Variants in RIDA observed in about 807,000 individuals in gnomAD.
The protein encoded by RIDA is 2-iminobutanoate/2-iminopropanoate deaminase.
RIDA carries 17 observed loss-of-function variants against 17.8 expected under a neutral mutation model. The observed-to-expected ratio is 0.96, with a 90% CI of 0.65 to 1.43. The LOEUF is 1.43. RIDA is among the 40% of genes most tolerant of loss of function. The pLI is 0.00. For missense variants in RIDA, 158 were observed against 161.7 expected, an observed-to-expected ratio of 0.98 and a Z score of 0.12; for synonymous variants, 48 against 55.7, an observed-to-expected ratio of 0.86 and a Z score of 0.62.
intron 1 of RIDA, among the ~76,000 whole-genome samples, chr8:98,116,647 G>C (rs558494960): frequency 1.3e-5 from 2 of 152,110 alleles, no homozygotes; most frequent in East Asian, 3.9e-4. Flanking sequence ...CTGTGAGTAT[G>C]GTCAAAACCA....
chr8:98,106,474 G>T, intron 2 of RIDA, 148 bp from the exon 3 acceptor site: 1 of 637,614 alleles, frequency 1.6e-6, no homozygotes, highest in South Asian at 2.1e-5. Flanking sequence ...GTGTTTCTTG[G>T]CTTTCCTTTA....
chr8:98,116,974 C>T (rs1478710731), intron 1 of RIDA, 58 bp downstream of exon 1: 2 of 1,451,172 alleles, frequency 1.4e-6, no homozygotes, highest in African/African-American at 2.8e-5. Context: ...TGGCCCCAAC[C>T]CCGAATCCCC....
chr8:98,116,568 T>TAA (rs561287564), intron 1 of RIDA, among the ~76,000 whole-genome samples: 149 of 152,204 alleles, frequency 9.8e-4, no homozygotes, highest in Middle Eastern at 3.4e-3. Context: ...GAGTGAATGC[T>TAA]AATGGGGATG....
intron 1 of RIDA, 157 bp from the exon 2 acceptor site, chr8:98,108,908 A>C (rs1409528449): frequency 1.8e-6 from 1 of 554,202 alleles, no homozygotes; most frequent in African/African-American, 1.9e-5. Context: ...TTTATCAAAG[A>C]TATCTTTAAG....
At chr8:98,114,506 T>G (rs1815773438) in intron 1 of RIDA, among the ~76,000 whole-genome samples, 1 of 150,680 alleles carries the variant, frequency 6.6e-6, no homozygotes, top group Non-Finnish European at 1.5e-5. Context: ...TTTTTTTTTT[T>G]GGTATTTTTA....
At chr8:98,112,462 C>T (rs1031543855) in intron 1 of RIDA, among the ~76,000 whole-genome samples, 10 of 152,148 alleles carry the variant, frequency 6.6e-5, no homozygotes, top group African/African-American at 2.4e-4. Context: ...TAACTACTTG[C>T]TGATGTTTTG....
chr8:98,107,466 G>A (rs1180172566), intron 2 of RIDA, among the ~76,000 whole-genome samples: 4 of 152,198 alleles, frequency 2.6e-5, no homozygotes, highest in African/African-American at 9.7e-5. Context: ...AGAGGTTGCA[G>A]TGAGCTGAGA....
chr8:98,104,418 A>G (rs1292690474), intron 5 of RIDA, 71 bp downstream of exon 5: 8 of 976,004 alleles, frequency 8.2e-6, no homozygotes, highest in African/African-American at 1.6e-5. Context: ...CACAGTGCTT[A>G]GTTTACTTAT....
In RIDA at chr8:98,115,412, AAAAG is replaced by A. The variant is rs1297626331; in HGVS notation, c.65+1616_65+1619del. On this transcript the variant is annotated intron_variant, in intron 1 of 5. Transcript: ENST00000254878. Reference sequence around the variant, plus strand: ...CCAAAAAAAAAAAAAAAAAAAAAAAAAAAGGGATAGTGCCCAATGCTGCTGAGTA... The same window carrying A: ...CCAAAAAAAAAAAAAAAAAAAAAAAAGGATAGTGCCCAATGCTGCTGAGTA... Among the ~76,000 whole-genome samples the A allele has an allele frequency of 6.3e-3, 600 of 94,532 alleles. 38 individuals carry two copies. The highest frequency in any genetic ancestry group is 0.025 in the African/African-American group (557 of 22,518). The allele number at this position is 94,532 out of a possible 152,430, so 62.0% of individuals were successfully genotyped here. A position where few individuals can be genotyped will look rare whatever the true frequency, so the allele number is the denominator to read the frequency against.
chr8:98,109,149 A>G (rs1274952708), intron 1 of RIDA, among the ~76,000 whole-genome samples: 2 of 152,192 alleles, frequency 1.3e-5, no homozygotes, highest in Non-Finnish European at 2.9e-5. Flanking sequence ...AGCCATGAGT[A>G]TACCACTGCG....
Position 98,114,213 on chromosome 8 carries a change from C to A in RIDA, c.65+2819G>T, listed in dbSNP as rs368055106. 5.7e-4 allele frequency among the ~76,000 whole-genome samples: 87 copies of A among 152,222 alleles called. 1 individual carries two copies. In the South Asian group the frequency reaches 0.017, roughly 30 times the overall value. On this transcript the variant is annotated intron_variant, in intron 1 of 5. Coordinates refer to ENST00000254878, the MANE Select transcript of RIDA (RefSeq NM_005836.3). ...ATATACACACATACAAACACACAAC[C>A]ACAACAACCACAAGAAAAAAACCAC...
intron 4 of RIDA, 39 bp from the exon 5 acceptor site, chr8:98,104,583 G>C (rs760050113): frequency 6.7e-6 from 8 of 1,194,482 alleles, no homozygotes; most frequent in Non-Finnish European, 9.8e-6. Context: ...ATAGAGAAGA[G>C]TTGAAAAAAT....
At chr8:98,111,070 A>G (rs563527717) in intron 1 of RIDA, among the ~76,000 whole-genome samples, 3 of 152,322 alleles carry the variant, frequency 2.0e-5, no homozygotes, top group African/African-American at 7.2e-5. Flanking sequence ...AGCAGTGTGG[A>G]AACGAACTAA....
At chr8:98,115,389 A>C (rs13279818) in intron 1 of RIDA, among the ~76,000 whole-genome samples, 1 of 46,732 alleles carries the variant, frequency 2.1e-5, no homozygotes, top group Non-Finnish European at 4.1e-5. Context: ...CTCTGCCTCC[A>C]AAAAAAAAAA....
intron 1 of RIDA, among the ~76,000 whole-genome samples, chr8:98,112,036 T>C (rs1449907258): frequency 1.3e-5 from 2 of 152,150 alleles, no homozygotes; most frequent in Non-Finnish European, 2.9e-5. Flanking sequence ...ACTTTGTTTT[T>C]TTCACTCAAC....
At chr8:98,111,673 C>G (rs1271094110) in intron 1 of RIDA, among the ~76,000 whole-genome samples, 1 of 151,356 alleles carries the variant, frequency 6.6e-6, no homozygotes. Context: ...TTAAGATAGT[C>G]TCATTTTAAT....
chr8:98,108,653 GCTT>G lies in RIDA; in HGVS notation c.161_163del (p.Glu54del), dbSNP rs1267602532. 2 of 1,604,452 alleles carry G rather than the reference GCTT, an allele frequency of 1.2e-6. No homozygotes were observed. Among genetic ancestry groups the G allele is most frequent in the Admixed American group, 1.7e-5 (1 of 60,002 alleles). ...ATGTGGAAAATAACTTACTTGTTTA[GCTT>G]CTTCTGCTACCCCTCCTGACACAAG... On this transcript the variant is annotated inframe_deletion, in exon 2 of 6. Coordinates refer to ENST00000254878, the MANE Select transcript of RIDA (RefSeq NM_005836.3).
At chr8:98,109,476 T>C (rs1326713317) in intron 1 of RIDA, among the ~76,000 whole-genome samples, 2 of 152,186 alleles carry the variant, frequency 1.3e-5, no homozygotes, top group African/African-American at 4.8e-5. Flanking sequence ...AAAGTAAGCA[T>C]TGGCAATGAT....
intron 1 of RIDA, among the ~76,000 whole-genome samples, chr8:98,114,141 C>A (rs927967793): frequency 6.6e-6 from 1 of 150,428 alleles, no homozygotes; most frequent in African/African-American, 2.5e-5. Context: ...CGACAATAAG[C>A]TGTGATCCCG....
Sources: allele counts gnomAD v4.1 joint callset (sites outside exome capture counted in the v4.1 genomes callset), GRCh38; gene constraint gnomAD v4.1.1; transcripts MANE v1.5; gene names NCBI Gene and HGNC (gene_info 2026-07-23, HGNC 2026-07-21).